Variants in PAPPA2 observed in about 807,000 individuals in gnomAD.
The protein encoded by PAPPA2 is pappalysin-2.
In PAPPA2, 86 loss-of-function variants were observed where a neutral mutation model predicts 176.4. The observed-to-expected ratio is 0.49, with a 90% CI of 0.41 to 0.58. The LOEUF (loss-of-function observed/expected upper bound fraction) is 0.58, where lower values mean the gene tolerates loss of function less well. Among genes scored for constraint, PAPPA2 ranks in the 20% least tolerant of loss-of-function variants. The pLI, the probability that PAPPA2 is intolerant of heterozygous loss-of-function variation, is 0.00. For missense variants in PAPPA2, 2,073 were observed against 2,256.9 expected (o/e 0.92, Z 1.65); for synonymous variants, 809 against 852.2 (o/e 0.95, Z 0.88).
At chr1:176,605,600 G>T (rs1005412927) in intron 3 of PAPPA2, among the ~76,000 whole-genome samples, 2 of 152,162 alleles carry the variant, frequency 1.3e-5, no homozygotes, top group Admixed American at 1.3e-4. Context: ...TTTCCCTTCA[G>T]ATTTATATCC....
intron 1 of PAPPA2, among the ~76,000 whole-genome samples, chr1:176,482,859 G>A (rs1386900903): frequency 6.6e-6 from 1 of 152,126 alleles, no homozygotes; most frequent in African/African-American, 2.4e-5. Context: ...AAGAAGTGTG[G>A]CACTCTGACC....
Position 176,702,745 on chromosome 1 carries a change from T to TTGTGTGTGTGTGTGTGTG in PAPPA2, c.3365+25_3365+42dup. 8.3e-7 allele frequency: 1 copy of TTGTGTGTGTGTGTGTGTG among 1,198,486 alleles called. No individual in the cohort carries two copies. Among genetic ancestry groups the TTGTGTGTGTGTGTGTGTG allele is most frequent in the South Asian group, 1.5e-5 (1 of 65,650 alleles). 74.2% of individuals were successfully genotyped at this position (1,198,486 alleles called of 1,614,324 possible). On this transcript the variant is annotated intron_variant, in intron 9 of 22. Coordinates refer to ENST00000367662, the MANE Select transcript of PAPPA2 (RefSeq NM_020318.3). The stretch of plus-strand genomic sequence containing the variant: ...ATGGGAAGGTGTCAGAGTGAGTATT[T>TTGTGTGTGTGTGTGTGTG]TGTGTGTGTGTGTGTGTGTGTGTGT...
chr1:176,752,359 A>C (rs955887591), intron 14 of PAPPA2, among the ~76,000 whole-genome samples: 22 of 151,842 alleles, frequency 1.4e-4, no homozygotes, highest in African/African-American at 2.9e-4. Flanking sequence ...AAAAAAAAAA[A>C]AAAAAACATT....
chr1:176,510,965 TG>T (rs1288289196), intron 1 of PAPPA2, among the ~76,000 whole-genome samples: 4 of 151,818 alleles, frequency 2.6e-5, no homozygotes, highest in Non-Finnish European at 5.9e-5. Context: ...AAAGAATTAA[TG>T]GGGCAAATTG....
chr1:176,654,431 G>T (rs1657913245), intron 3 of PAPPA2, among the ~76,000 whole-genome samples: 2 of 149,118 alleles, frequency 1.3e-5, no homozygotes, highest in Non-Finnish European at 3.0e-5. Context: ...ATTTATATCA[G>T]ATATAATACA....
intron 1 of PAPPA2, among the ~76,000 whole-genome samples, chr1:176,517,196 C>T (rs1648964656): frequency 1.3e-5 from 2 of 152,112 alleles, no homozygotes; most frequent in Non-Finnish European, 2.9e-5. Context: ...CCTTTCTTTT[C>T]CTGCCTGCCT....
At chr1:176,514,431 G>C (rs1170231046) in intron 1 of PAPPA2, among the ~76,000 whole-genome samples, 1 of 152,138 alleles carries the variant, frequency 6.6e-6, no homozygotes, top group African/African-American at 2.4e-5. Flanking sequence ...CAACACTGGG[G>C]ATCAAATTTC....
intron 2 of PAPPA2, among the ~76,000 whole-genome samples, chr1:176,568,391 G>A (rs1036599480): frequency 6.6e-5 from 10 of 152,164 alleles, no homozygotes; most frequent in African/African-American, 2.4e-4. Context: ...ATGCTCCCAA[G>A]GACAACTCAA....
At chr1:176,806,857 C>T (rs1665928231) in intron 21 of PAPPA2, among the ~76,000 whole-genome samples, 1 of 152,110 alleles carries the variant, frequency 6.6e-6, no homozygotes. Context: ...TTCATTACAC[C>T]CACAGGTCCT....
chr1:176,779,519 C>CACAGAG (rs1451138087), intron 17 of PAPPA2, among the ~76,000 whole-genome samples: 98 of 102,630 alleles, frequency 9.5e-4, no homozygotes, highest in African/African-American at 2.8e-3. Context: ...CACACACACA[C>CACAGAG]AGAGAGAGAG....
At chr1:176,509,868 A>G (rs566804221) in intron 1 of PAPPA2, among the ~76,000 whole-genome samples, 2 of 149,100 alleles carry the variant, frequency 1.3e-5, no homozygotes, top group East Asian at 2.0e-4. Flanking sequence ...ACAAAAAAAA[A>G]CAACAAAAAA....
chr1:176,660,159 A>G (rs1461600470), intron 3 of PAPPA2, among the ~76,000 whole-genome samples: 3 of 152,122 alleles, frequency 2.0e-5, no homozygotes, highest in Non-Finnish European at 2.9e-5. Context: ...GATCCAGGAC[A>G]GATCTATTCA....
rs903929878 is a variant in PAPPA2, at chr1:176,688,822, T to C, written c.2138-1315T>C. On this transcript the variant is annotated intron_variant, in intron 4 of 22. Coordinates refer to ENST00000367662, the MANE Select transcript of PAPPA2 (RefSeq NM_020318.3). ...ATAGGCCAGTGGGTGTAGCGCCAGA[T>C]ACCCTGTGATTGTCTCCTGCCCATA... Among the ~76,000 whole-genome samples the C allele has an allele frequency of 4.6e-5, 7 of 152,194 alleles. No individual in the cohort carries two copies. The East Asian group carries it at 1.3e-3, about 29-fold the overall frequency.
At chr1:176,777,948 T>C (rs1664532945) in intron 17 of PAPPA2, among the ~76,000 whole-genome samples, 1 of 151,966 alleles carries the variant, frequency 6.6e-6, no homozygotes. Flanking sequence ...GGAAATTTCT[T>C]CTTTAACAAG....
At chr1:176,668,912 T>G (rs1256987991) in intron 3 of PAPPA2, among the ~76,000 whole-genome samples, 1 of 152,054 alleles carries the variant, frequency 6.6e-6, no homozygotes, top group African/African-American at 2.4e-5. Flanking sequence ...GAGAGAAGAT[T>G]GGACAAGGAA....
chr1:176,678,724 G>A (rs910955820), intron 4 of PAPPA2, among the ~76,000 whole-genome samples: 1 of 151,710 alleles, frequency 6.6e-6, no homozygotes, highest in African/African-American at 2.4e-5. Flanking sequence ...CAATGACACT[G>A]CTAGGAATAA....
intron 21 of PAPPA2, among the ~76,000 whole-genome samples, chr1:176,809,951 AGTGTGTGT>A (rs55858181): frequency 0.34 from 45,672 of 133,630 alleles, 8,285 homozygotes; most frequent in East Asian, 0.55. Context: ...GACAAGATGC[AGTGTGTGT>A]GTGTGTGTGT....
Position 176,702,776 on chromosome 1 carries a change from T to TGAGTGA in PAPPA2, c.3365+44_3365+45insTGAGAG, listed in dbSNP as rs1553394157. 56 of 1,146,382 alleles carry TGAGTGA rather than the reference T, an allele frequency of 4.9e-5. No homozygotes were observed. In the African/African-American group the frequency reaches 1.0e-3, roughly 21 times the overall value. 71.0% of individuals were successfully genotyped at this position (1,146,382 alleles called of 1,614,324 possible). ...GTGTGTGTGTGTGTGTGTGTGTGTGTGAGAGAGAGAGAGAGAGAGAGAGAG... is the reference window on the plus strand; with the variant it reads ...GTGTGTGTGTGTGTGTGTGTGTGTGTGAGTGAGAGAGAGAGAGAGAGAGAGAGAGAG... On this transcript the variant is annotated intron_variant, in intron 9 of 22. Transcript: ENST00000367662.
intron 22 of PAPPA2, among the ~76,000 whole-genome samples, chr1:176,841,347 C>T (rs1049469266): frequency 6.6e-6 from 1 of 152,004 alleles, no homozygotes. Flanking sequence ...GAATTAGGAT[C>T]GAAAAGGCAC....
Sources: allele counts gnomAD v4.1 joint callset (sites outside exome capture counted in the v4.1 genomes callset), GRCh38; gene constraint gnomAD v4.1.1; transcripts MANE v1.5; gene names NCBI Gene and HGNC (gene_info 2026-07-23, HGNC 2026-07-21).